Variants in SLC38A1 observed in about 807,000 individuals in gnomAD.
SLC38A1 encodes sodium-coupled neutral amino acid symporter 1.
In SLC38A1, 18 loss-of-function variants were observed where a neutral mutation model predicts 60.3. The ratio of observed to expected loss-of-function variants is 0.30; its 90% CI spans 0.21 to 0.44. The LOEUF is 0.44. Among genes scored for constraint, SLC38A1 ranks in the 20% least tolerant of loss-of-function variants. The pLI, the probability that SLC38A1 is intolerant of heterozygous loss-of-function variation, is 1.00. For missense variants in SLC38A1, 448 were observed against 587.2 expected (o/e 0.76, Z 2.45); for synonymous variants, 196 against 212.1 (o/e 0.92, Z 0.66).
rs1938982109 is a variant in SLC38A1, at chr12:46,187,649, A to C, written c.*1321T>G. ...GCATGGACAGTTGAGACGGGCAGTA[A>C]TGGCACAGTCCTTGGTTGGGGAAGA... is the stretch of plus-strand genomic sequence containing the variant. On this transcript the variant is annotated 3_prime_UTR_variant, in exon 17 of 17. Transcript: ENST00000398637. The C allele has an allele frequency of 6.6e-6, 1 of 152,198 alleles. No homozygotes were observed. Among genetic ancestry groups the C allele is most frequent in the African/African-American group, 2.4e-5 (1 of 41,432 alleles). The allele number at this position is 152,198 out of a possible 1,614,324, so 9.4% of individuals were successfully genotyped here.
intron 12 of SLC38A1, among the ~76,000 whole-genome samples, chr12:46,202,191 C>CAA (rs766799734): frequency 1.5e-5 from 1 of 68,604 alleles, no homozygotes; most frequent in Non-Finnish European, 2.8e-5. Flanking sequence ...GACTCTGTCT[C>CAA]AAAAAAAAAA....
chr12:46,238,655 C>T (rs1468654305), intron 3 of SLC38A1, among the ~76,000 whole-genome samples: 3 of 152,250 alleles, frequency 2.0e-5, no homozygotes, highest in Non-Finnish European at 4.4e-5. Context: ...AAGAATGCCA[C>T]AAATCATTTT....
chr12:46,237,021 T>C (rs1428381923), intron 3 of SLC38A1, among the ~76,000 whole-genome samples: 2 of 152,250 alleles, frequency 1.3e-5, no homozygotes, highest in African/African-American at 4.8e-5. Context: ...TAACGGCAGA[T>C]GTCTGAATGC....
chr12:46,204,637 T>A (rs1385350611), intron 9 of SLC38A1, 47 bp from the exon 10 acceptor site: 1 of 1,507,516 alleles, frequency 6.6e-7, no homozygotes, highest in Non-Finnish European at 9.0e-7. Context: ...TTTCCATTTT[T>A]AAAAATTTTG....
intron 5 of SLC38A1, among the ~76,000 whole-genome samples, chr12:46,214,816 G>C (rs1025717014): frequency 2.0e-5 from 3 of 152,180 alleles, no homozygotes; most frequent in African/African-American, 4.8e-5. Context: ...CCTTTGGTAG[G>C]GGTGGAGGTA....
chr12:46,190,580 C>T (rs1331965588), intron 16 of SLC38A1, among the ~76,000 whole-genome samples: 1 of 152,242 alleles, frequency 6.6e-6, no homozygotes, highest in Non-Finnish European at 1.5e-5. Flanking sequence ...TATTTCTCCA[C>T]ATCCTCTCCA....
At chr12:46,252,392 C>T (rs528553916) in intron 1 of SLC38A1, among the ~76,000 whole-genome samples, 314 of 152,052 alleles carry the variant, frequency 2.1e-3, no homozygotes, top group African/African-American at 7.0e-3. Context: ...ATGTAAATGA[C>T]GAATTAATGG....
Position 46,239,886 on chromosome 12 carries a change from T to C in SLC38A1, c.-86A>G. ...AGAAGTAGATACCAAAATGGAAGCT[T>C]GACACCCCTAAAATATAGCAAAATA... is the stretch of plus-strand genomic sequence containing the variant. On this transcript the variant is annotated 5_prime_UTR_variant, in exon 3 of 17. Transcript: ENST00000398637. 1 of 1,325,968 alleles carries C rather than the reference T, an allele frequency of 7.5e-7. No homozygotes were observed. Among genetic ancestry groups the C allele is most frequent in the Non-Finnish European group, 1.1e-6 (1 of 939,674 alleles). The allele number at this position is 1,325,968 out of a possible 1,614,324, so 82.1% of individuals were successfully genotyped here. A position where few individuals can be genotyped will look rare whatever the true frequency, so the allele number is the denominator to read the frequency against.
intron 1 of SLC38A1, among the ~76,000 whole-genome samples, chr12:46,261,942 G>A (rs1213422373): frequency 6.6e-6 from 1 of 152,190 alleles, no homozygotes; most frequent in Non-Finnish European, 1.5e-5. Context: ...AGAAAGACCA[G>A]GGATGCTGGT....
In SLC38A1 at chr12:46,196,088, C is replaced by T. The variant is rs139016467; in HGVS notation, c.1362+1632G>A. On this transcript the variant is annotated intron_variant, in intron 16 of 16. Coordinates refer to ENST00000398637, the MANE Select transcript of SLC38A1 (RefSeq NM_030674.4). ...TGTTCCTATTTGGCTATCTTGGAAG[C>T]AACCTCAGGTATTTCTTTATTAGCA... 2,682 of 1,506,570 alleles carry T rather than the reference C, an allele frequency of 1.8e-3. 49 individuals carry two copies. In the African/African-American group the frequency reaches 0.033, roughly 19 times the overall value. 93.3% of individuals were successfully genotyped at this position (1,506,570 alleles called of 1,614,324 possible). A position where few individuals can be genotyped will look rare whatever the true frequency, so the allele number is the denominator to read the frequency against.
intron 5 of SLC38A1, among the ~76,000 whole-genome samples, chr12:46,228,180 A>C (rs1431139180): frequency 6.6e-6 from 1 of 152,220 alleles, no homozygotes; most frequent in South Asian, 2.1e-4. Context: ...GGACATGTTA[A>C]TTTACACACA....
chr12:46,200,130 C>G (rs946815420), intron 13 of SLC38A1, among the ~76,000 whole-genome samples: 6 of 152,146 alleles, frequency 3.9e-5, no homozygotes, highest in African/African-American at 1.4e-4. Context: ...CTGTACAACT[C>G]TGTATGCACC....
At chr12:46,203,704 G>A (rs1939764547) in intron 11 of SLC38A1, among the ~76,000 whole-genome samples, 1 of 152,186 alleles carries the variant, frequency 6.6e-6, no homozygotes, top group Admixed American at 6.5e-5. Context: ...TATGCAAAAA[G>A]AAGTGAAAAC....
At chr12:46,223,341 A>C (rs946222899) in intron 5 of SLC38A1, among the ~76,000 whole-genome samples, 17 of 152,188 alleles carry the variant, frequency 1.1e-4, no homozygotes, top group Admixed American at 7.9e-4. Context: ...AATGTTAGCC[A>C]TTATTTAGTG....
intron 5 of SLC38A1, among the ~76,000 whole-genome samples, chr12:46,215,994 G>A (rs1400806746): frequency 2.0e-5 from 3 of 152,078 alleles, no homozygotes; most frequent in South Asian, 2.1e-4. Context: ...TTAAAATCCA[G>A]GACAAGGAAC....
intron 1 of SLC38A1, among the ~76,000 whole-genome samples, chr12:46,244,933 C>A (rs1941564090): frequency 1.3e-5 from 2 of 152,136 alleles, no homozygotes; most frequent in South Asian, 4.1e-4. Context: ...TAAAAGTAGA[C>A]AATGGTATAA....
chr12:46,207,332 A>C (rs1939954402), intron 7 of SLC38A1, 96 bp from the exon 8 acceptor site: 1 of 1,167,162 alleles, frequency 8.6e-7, no homozygotes, highest in South Asian at 1.4e-5. Context: ...ACCAACTGTC[A>C]GTAAGACACA....
chr12:46,193,314 G>A (rs867478153), intron 16 of SLC38A1, among the ~76,000 whole-genome samples: 2 of 152,140 alleles, frequency 1.3e-5, no homozygotes, highest in African/African-American at 4.8e-5. Flanking sequence ...TGTGATTTCT[G>A]TTCTTTTACA....
Position 46,184,923 on chromosome 12 carries a change from CT to C in SLC38A1, c.*4046del, listed in dbSNP as rs1286095722. On this transcript the variant is annotated 3_prime_UTR_variant, in exon 17 of 17. Transcript: ENST00000398637. The stretch of plus-strand genomic sequence containing the variant: ...CTGTGTTTAGGAATTTGCACCTGCG[CT>C]GCTATTTTCAACGAGAAGGGGATAA... 3.6e-4 allele frequency: 55 copies of C among 152,284 alleles called. 1 individual carries two copies. The highest frequency in any genetic ancestry group is 1.2e-3 in the African/African-American group (48 of 41,546). The allele number at this position is 152,284 out of a possible 1,614,324, so 9.4% of individuals were successfully genotyped here.
Sources: allele counts gnomAD v4.1 joint callset (sites outside exome capture counted in the v4.1 genomes callset), GRCh38; gene constraint gnomAD v4.1.1; transcripts MANE v1.5; gene names NCBI Gene and HGNC (gene_info 2026-07-23, HGNC 2026-07-21).